The following NBPF9 variants were observed in gnomAD, a reference collection of about 807,000 sequenced individuals.
NBPF9 encodes NBPF member 9.
Under a neutral mutation model 97.8 loss-of-function variants are expected in NBPF9, and 91 were observed. That is an observed-to-expected ratio of 0.93 (90% CI 0.79 to 1.11). NBPF9 has a LOEUF of 1.11. NBPF9 is among the 50% of genes least tolerant of loss of function. NBPF9 has a pLI of 0.00. For synonymous variants in NBPF9, 334 were observed against 359.5 expected, an observed-to-expected ratio of 0.93 and a Z score of 0.80; for missense variants, 992 against 939.5, an observed-to-expected ratio of 1.06 and a Z score of -0.73.
intron 12 of NBPF9, among the ~76,000 whole-genome samples, chr1:149,075,366 A>T (rs1553654026): frequency 1.3e-5 from 2 of 152,232 alleles, no homozygotes; most frequent in Non-Finnish European, 2.9e-5. Context: ...ATTCTTGAAA[A>T]CACGATTGAG....
rs1431519133 is a variant in NBPF9, at chr1:149,082,947, TTTTTC to T, written c.-194-522_-194-518del. Among the ~76,000 whole-genome samples, 70 of 117,632 alleles carry T rather than the reference TTTTTC, an allele frequency of 6.0e-4. 1 individual carries two copies. The highest frequency in any genetic ancestry group is 1.7e-3 in the African/African-American group (51 of 29,148). The allele number at this position is 117,632 out of a possible 152,430, so 77.2% of individuals were successfully genotyped here. A position where few individuals can be genotyped will look rare whatever the true frequency, so the allele number is the denominator to read the frequency against. On this transcript the variant is annotated intron_variant, in intron 5 of 29. Transcript: ENST00000584027. ...GGCGCCCGCCACCACGCCTGGCTAA[TTTTTC>T]TTTTCTTTTTTTTTTTTTTTTTTTT... is the stretch of plus-strand genomic sequence containing the variant.
At chr1:149,082,957 CTTTT>C (rs1157992196) in intron 5 of NBPF9, among the ~76,000 whole-genome samples, 63 of 66,458 alleles carry the variant, frequency 9.5e-4, no homozygotes, top group East Asian at 5.6e-3. Context: ...TTTTTCTTTT[CTTTT>C]TTTTTTTTTT....
chr1:149,055,885 A>G (rs1553648751), exon 30 of NBPF9: 2 of 1,611,522 alleles, frequency 1.2e-6, no homozygotes, highest in South Asian at 1.1e-5. Context: ...CACTTCCATC[A>G]GCACGCCGTT....
chr1:149,086,355 G>GT (rs1262662196), intron 5 of NBPF9, among the ~76,000 whole-genome samples: 1 of 151,018 alleles, frequency 6.6e-6, no homozygotes, highest in African/African-American at 2.4e-5. Flanking sequence ...TTTTGCCTAG[G>GT]TTTTTCCTGG....
intron 12 of NBPF9, among the ~76,000 whole-genome samples, chr1:149,074,512 T>A (rs1275494983): frequency 5.9e-5 from 9 of 151,510 alleles, no homozygotes; most frequent in African/African-American, 2.2e-4. Context: ...CAATAAATGT[T>A]CTAGGAGACT....
At position 149,062,876 on chromosome 1, in the gene NBPF9, G is replaced by T. The variant is rs1296041620; in HGVS notation, c.2064C>A (p.Asp688Glu). Residue 688 changes from aspartate (D) to glutamate (E), a missense_variant, in exon 21 of 30, where the codon GAC (aspartate) becomes GAA (glutamate). Asp to Glu is a conservative substitution (Grantham distance 45). Transcript: ENST00000584027. ...CTCAAAGTTACCTGGGGCATGATGG[G>T]TCTTGGTCTTCTTCCACTTCTTGGT... The T allele has an allele frequency of 1.3e-5, 10 of 748,832 alleles. No homozygotes were observed. The Admixed American group carries it at 1.6e-4, about 12-fold the overall frequency. 46.4% of individuals were successfully genotyped at this position (748,832 alleles called of 1,614,324 possible). A position where few individuals can be genotyped will look rare whatever the true frequency, so the allele number is the denominator to read the frequency against.
chr1:149,062,714 T>A (rs2078707586), intron 21 of NBPF9, 148 bp downstream of exon 21: 1 of 708,976 alleles, frequency 1.4e-6, no homozygotes, highest in Non-Finnish European at 2.6e-6. Context: ...AACCTAAACA[T>A]CTACTGCAAT....
At chr1:149,085,574 T>G (rs4649589) in intron 5 of NBPF9, among the ~76,000 whole-genome samples, 4 of 152,106 alleles carry the variant, frequency 2.6e-5, no homozygotes, top group South Asian at 2.1e-4. Context: ...CAATGAACAT[T>G]ATATATATTT....
intron 17 of NBPF9, chr1:149,065,962 G>A (rs1186876228): frequency 1.9e-5 from 11 of 589,682 alleles, no homozygotes; most frequent in East Asian, 1.8e-4. Flanking sequence ...CTACCATCAT[G>A]TCTTGCAGCA....
chr1:149,079,365 C>G (rs1317984360), intron 8 of NBPF9, 144 bp from the exon 9 acceptor site: 211 of 844,456 alleles, frequency 2.5e-4, no homozygotes, highest in Non-Finnish European at 3.9e-4. Context: ...TGTCTGTGGC[C>G]AAGAGAAAGA....
At chr1:149,069,095 C>T (rs1220120861) in intron 17 of NBPF9, among the ~76,000 whole-genome samples, 2 of 152,060 alleles carry the variant, frequency 1.3e-5, no homozygotes, top group African/African-American at 4.8e-5. Context: ...ACAAAACATA[C>T]CAGAATCTCT....
In NBPF9 at chr1:149,055,911, G is replaced by A. The variant is rs782296018; in HGVS notation, c.3093-12C>T. ...GCACGCCGTTGAGCCTGGAAAAGGAGACAAAACTAAAGAAGCAGCCAGGGA... is the reference window on the plus strand; with the variant it reads ...GCACGCCGTTGAGCCTGGAAAAGGAAACAAAACTAAAGAAGCAGCCAGGGA... On this transcript the variant is annotated splice_polypyrimidine_tract_variant and intron_variant, in intron 29 of 29. Coordinates refer to ENST00000584027, the Ensembl canonical transcript of NBPF9. 5 of 1,611,502 alleles carry A rather than the reference G, an allele frequency of 3.1e-6. No homozygotes were observed. In the African/African-American group the frequency reaches 6.7e-5, roughly 22 times the overall value.
chr1:149,055,975 A>T (rs9424775), intron 29 of NBPF9, 76 bp from the exon 30 acceptor site: 4 of 1,611,558 alleles, frequency 2.5e-6, no homozygotes, highest in Non-Finnish European at 3.4e-6. Context: ...TTTCAGAAGT[A>T]ACATAAGGAA....
chr1:149,055,649 G>A lies in NBPF9; in HGVS notation c.*7C>T, dbSNP rs782738121. Reference sequence around the variant, plus strand: ...GGAATGACATCTCTCGGCTTAGTAAGGGCTGCTTATTGTGGGAATATGACT... The same window carrying A: ...GGAATGACATCTCTCGGCTTAGTAAAGGCTGCTTATTGTGGGAATATGACT... On this transcript the variant is annotated 3_prime_UTR_variant, in exon 30 of 30. Coordinates refer to ENST00000584027, the Ensembl canonical transcript of NBPF9. 3.1e-6 allele frequency: 5 copies of A among 1,611,828 alleles called. No homozygotes were observed. The East Asian group carries it at 8.9e-5, about 29-fold the overall frequency.
exon 30 of NBPF9, chr1:149,055,679 T>C: frequency 6.2e-7 from 1 of 1,611,938 alleles, no homozygotes; most frequent in South Asian, 1.1e-5. Flanking sequence ...ATGACTTCCA[T>C]CTGGAACACC....
intron 16 of NBPF9, among the ~76,000 whole-genome samples, 155 bp downstream of exon 16, chr1:149,070,779 A>G (rs1251224683): frequency 6.6e-6 from 1 of 152,154 alleles, no homozygotes; most frequent in African/African-American, 2.4e-5. Context: ...CAAAGGCATG[A>G]CATTAGCTGA....
chr1:149,073,589 C>T (rs1237933245), intron 13 of NBPF9, among the ~76,000 whole-genome samples, 179 bp downstream of exon 13: 1 of 149,874 alleles, frequency 6.7e-6, no homozygotes, highest in African/African-American at 2.4e-5. Flanking sequence ...ACAACTGCAA[C>T]CCATACATTT....
At chr1:149,068,379 C>A (rs1304752588) in intron 17 of NBPF9, among the ~76,000 whole-genome samples, 7 of 150,998 alleles carry the variant, frequency 4.6e-5, no homozygotes, top group South Asian at 4.2e-4. Context: ...ATTCAGGAAA[C>A]CCATCTCACA....
rs587758498 is a variant in NBPF9, at chr1:149,062,899, G to A, written c.2041C>T (p.Gln681Ter). 7.3e-5 allele frequency: 59 copies of A among 803,290 alleles called. No individual in the cohort carries two copies. The Middle Eastern group carries it at 2.1e-3, about 29-fold the overall frequency. The allele number at this position is 803,290 out of a possible 1,614,324, so 49.8% of individuals were successfully genotyped here. A position where few individuals can be genotyped will look rare whatever the true frequency, so the allele number is the denominator to read the frequency against. The change falls in exon 21 of 30, where the codon CAA becomes TAA. Residue 681 changes from glutamine to a stop codon, truncating the protein, a stop_gained. Transcript: ENST00000584027. LOFTEE classifies it high-confidence loss of function. Reference sequence around the variant, plus strand: ...GGGTCTTGGTCTTCTTCCACTTCTTGGTACTTTTCAATTTCTGCAATAAGT... The same window carrying A: ...GGGTCTTGGTCTTCTTCCACTTCTTAGTACTTTTCAATTTCTGCAATAAGT...
Sources: gnomAD v4.1 joint callset for allele counts (sites outside exome capture counted in the v4.1 genomes callset) on GRCh38, gnomAD v4.1.1 for gene constraint, MANE v1.5 for transcripts, NCBI Gene and HGNC (gene_info 2026-07-23, HGNC 2026-07-21) for gene names.